PAX7: variants seen among roughly 807,000 people sequenced by gnomAD.
The protein encoded by PAX7 is paired box 7.
In PAX7, 18 loss-of-function variants were observed where a neutral mutation model predicts 50.7. That is an observed-to-expected ratio of 0.36 (90% CI 0.25 to 0.53). PAX7 has a LOEUF of 0.53. Among genes scored for constraint, PAX7 ranks in the 20% least tolerant of loss-of-function variants. The pLI, the probability that PAX7 is intolerant of heterozygous loss-of-function variation, is 0.93. For synonymous variants in PAX7, 310 were observed against 290.4 expected, an observed-to-expected ratio of 1.07 and a Z score of -0.69; for missense variants, 644 against 702.9, an observed-to-expected ratio of 0.92 and a Z score of 0.95.
At chr1:18,671,322 C>G (rs1420681776) in intron 4 of PAX7, among the ~76,000 whole-genome samples, 1 of 152,050 alleles carries the variant, frequency 6.6e-6, no homozygotes, top group East Asian at 1.9e-4. Context: ...GTGTGCAGGC[C>G]CTAAGTGAAA....
intron 4 of PAX7, among the ~76,000 whole-genome samples, chr1:18,689,485 TG>T (rs1169217516): frequency 1.3e-5 from 2 of 151,974 alleles, no homozygotes; most frequent in Non-Finnish European, 2.9e-5. Flanking sequence ...TCTCTGCCCT[TG>T]GGGATGAGCC....
At chr1:18,685,920 T>C (rs1357923471) in intron 4 of PAX7, among the ~76,000 whole-genome samples, 1 of 152,080 alleles carries the variant, frequency 6.6e-6, no homozygotes, top group Non-Finnish European at 1.5e-5. Flanking sequence ...ACCATCACCA[T>C]CACCATCACC....
chr1:18,683,196 G>A (rs1440183843), intron 4 of PAX7, among the ~76,000 whole-genome samples: 1 of 152,196 alleles, frequency 6.6e-6, no homozygotes, highest in Non-Finnish European at 1.5e-5. Context: ...TAGATACTGG[G>A]ACTGAGTGAG....
At chr1:18,639,996 G>T (rs891384842) in intron 4 of PAX7, among the ~76,000 whole-genome samples, 7 of 151,318 alleles carry the variant, frequency 4.6e-5, no homozygotes, top group African/African-American at 1.7e-4. Flanking sequence ...ACGGGGCGGG[G>T]GGGAAATCCT....
chr1:18,700,797 CCCA>C lies in PAX7; in HGVS notation c.941_943del (p.Thr314del). 5.8e-6 allele frequency: 9 copies of C among 1,551,870 alleles called. No individual in the cohort carries two copies. The highest frequency in any genetic ancestry group is 2.5e-5 in the East Asian group (1 of 39,692). ...CTACCAGCTGCCGGACTCCACCTAC[CCCA>C]CCACCACCATCTCCCAAGGTGAGTG... On this transcript the variant is annotated inframe_deletion, in exon 6 of 9. Transcript: ENST00000420770. This position sits in a 1 kb window ranked among gnomAD's most constrained non-coding sequence, Gnocchi z 4.8.
chr1:18,738,323 C>A (rs1042457660), intron 8 of PAX7, among the ~76,000 whole-genome samples: 1 of 152,170 alleles, frequency 6.6e-6, no homozygotes. Flanking sequence ...GTGACCCCAG[C>A]GGCAGCGGCA....
At chr1:18,646,221 G>C (rs2088335661) in intron 4 of PAX7, among the ~76,000 whole-genome samples, 1 of 152,174 alleles carries the variant, frequency 6.6e-6, no homozygotes, top group Non-Finnish European at 1.5e-5. Context: ...AAGAGGCCTT[G>C]GAACTTTCTT....
At chr1:18,730,733 G>A (rs557585936) in intron 7 of PAX7, among the ~76,000 whole-genome samples, 103 of 152,190 alleles carry the variant, frequency 6.8e-4, no homozygotes, top group African/African-American at 2.2e-3. Context: ...AGGGGAGCGC[G>A]CCGGCATGTC....
intron 4 of PAX7, among the ~76,000 whole-genome samples, chr1:18,666,759 A>T (rs892512862): frequency 2.6e-5 from 4 of 152,132 alleles, no homozygotes; most frequent in African/African-American, 9.7e-5. Context: ...GCTGCGCTCC[A>T]CCTGGAGACA....
At chr1:18,710,783 A>G (rs1280239981) in intron 7 of PAX7, among the ~76,000 whole-genome samples, 1 of 152,064 alleles carries the variant, frequency 6.6e-6, no homozygotes, top group Non-Finnish European at 1.5e-5. Flanking sequence ...TAATCTCTCC[A>G]TTCCTCAAAG....
intron 7 of PAX7, among the ~76,000 whole-genome samples, chr1:18,733,319 G>T (rs965946705): frequency 1.3e-5 from 2 of 152,134 alleles, no homozygotes; most frequent in African/African-American, 4.8e-5. Context: ...CACAGAGCGA[G>T]TTAGGGAGAC....
chr1:18,720,735 G>A (rs1365495070), intron 7 of PAX7, among the ~76,000 whole-genome samples: 2 of 151,572 alleles, frequency 1.3e-5, no homozygotes, highest in Middle Eastern at 3.2e-3. Context: ...GAGAGAGAGA[G>A]GTAGAGAGAC....
intron 7 of PAX7, among the ~76,000 whole-genome samples, chr1:18,731,098 G>C (rs1349221775): frequency 1.3e-5 from 2 of 152,184 alleles, no homozygotes; most frequent in African/African-American, 4.8e-5. Context: ...TGAAAGCAAG[G>C]TCACCAGGAA....
At chr1:18,734,002 G>A (rs936011268) in intron 7 of PAX7, among the ~76,000 whole-genome samples, 2 of 152,154 alleles carry the variant, frequency 1.3e-5, no homozygotes, top group African/African-American at 2.4e-5. Context: ...GGATACTCCC[G>A]AGGTTACACA....
At chr1:18,704,137 A>AT (rs1465958271) in intron 7 of PAX7, among the ~76,000 whole-genome samples, 5 of 152,230 alleles carry the variant, frequency 3.3e-5, no homozygotes, top group Non-Finnish European at 7.3e-5. Context: ...GGACAATGTA[A>AT]TTAATATGGG....
Position 18,746,162 on chromosome 1 carries a change from C to T in PAX7, c.*1233C>T, listed in dbSNP as rs560218887. The T allele has an allele frequency of 4.3e-6, 1 of 231,822 alleles. No individual in the cohort carries two copies. Among genetic ancestry groups the T allele is most frequent in the Non-Finnish European group, 8.5e-6 (1 of 117,254 alleles). The allele number at this position is 231,822 out of a possible 1,614,324, so 14.4% of individuals were successfully genotyped here. On this transcript the variant is annotated 3_prime_UTR_variant, in exon 9 of 9. Coordinates refer to ENST00000420770, the MANE Select transcript of PAX7 (RefSeq NM_001135254.2). ...TGCCCCACAGACAAGATGATCCCCC[C>T]TGGCATGTTGTTAGGGGCAAATTGC...
intron 4 of PAX7, among the ~76,000 whole-genome samples, chr1:18,679,658 G>A (rs618941): frequency 0.9 from 137,401 of 152,210 alleles, 62,221 homozygotes; most frequent in Non-Finnish European, 0.93. Context: ...CTGTAGGTAC[G>A]TTTTGCATCC....
intron 4 of PAX7, among the ~76,000 whole-genome samples, chr1:18,654,005 G>C (rs775251859): frequency 3.3e-5 from 5 of 152,042 alleles, no homozygotes; most frequent in African/African-American, 1.2e-4. Context: ...CAGCCCTGTC[G>C]CAGGAGAGCC....
chr1:18,745,047 C>A lies in PAX7; in HGVS notation c.*118C>A, dbSNP rs192614253. ...CCTAGGAGGCCAGGAAAGGAGCCCA[C>A]CTGCTTCTCATCACCAGCCCCCTGG... On this transcript the variant is annotated 3_prime_UTR_variant, in exon 9 of 9. Transcript: ENST00000420770. The A allele has an allele frequency of 6.2e-6, 4 of 640,354 alleles. No individual in the cohort carries two copies. The highest frequency in any genetic ancestry group is 5.6e-5 in the Admixed American group (2 of 35,504). The allele number at this position is 640,354 out of a possible 1,614,324, so 39.7% of individuals were successfully genotyped here. A position where few individuals can be genotyped will look rare whatever the true frequency, so the allele number is the denominator to read the frequency against.
Sources: gnomAD v4.1 joint callset for allele counts (sites outside exome capture counted in the v4.1 genomes callset) on GRCh38, gnomAD v4.1.1 for gene constraint, Gnocchi (gnomAD v3.1) non-coding constraint, MANE v1.5 for transcripts, NCBI Gene and HGNC (gene_info 2026-07-23, HGNC 2026-07-21) for gene names.